EYS: variants seen among roughly 807,000 people sequenced by gnomAD.
EYS encodes EGF-like photoreceptor maintenance factor.
Under a neutral mutation model 282.1 loss-of-function variants are expected in EYS, and 250 were observed. That is an observed-to-expected ratio of 0.89 (90% CI 0.80 to 0.98). The LOEUF is 0.98. Among genes scored for constraint, EYS ranks in the 50% least tolerant of loss-of-function variants. The probability of loss-of-function intolerance (pLI) is 0.00; values close to 1 mark genes in which losing one functional copy is unlikely to be tolerated. For missense variants in EYS, 4,016 were observed against 3,709.0 expected (o/e 1.08, Z -2.15); for synonymous variants, 1,355 against 1,282.9 (o/e 1.06, Z -1.20).
intron 40 of EYS, among the ~76,000 whole-genome samples, chr6:63,766,180 C>T (rs932431998): frequency 1.3e-5 from 2 of 151,916 alleles, no homozygotes; most frequent in South Asian, 2.1e-4. Context: ...TTGCAATAAC[C>T]GAACTCTGCC....
chr6:65,331,240 T>C (rs1244346326), intron 11 of EYS: 1 of 681,380 alleles, frequency 1.5e-6, no homozygotes, highest in Non-Finnish European at 1.8e-6. Flanking sequence ...GAAGAATTAA[T>C]ATTTTAGCTA....
chr6:63,858,826 A>T (rs1772458579), intron 36 of EYS, among the ~76,000 whole-genome samples: 1 of 152,144 alleles, frequency 6.6e-6, no homozygotes, highest in South Asian at 2.1e-4. Flanking sequence ...CAAAAGAGTT[A>T]TGAGCTTAAC....
chr6:63,946,566 C>G (rs543865631), intron 35 of EYS, among the ~76,000 whole-genome samples: 1 of 151,984 alleles, frequency 6.6e-6, no homozygotes, highest in South Asian at 2.1e-4. Flanking sequence ...AGCTTGTTTG[C>G]TTTTAAGTTG....
chr6:64,058,572 C>T (rs1771062032), intron 33 of EYS, among the ~76,000 whole-genome samples: 1 of 152,126 alleles, frequency 6.6e-6, no homozygotes, highest in African/African-American at 2.4e-5. Flanking sequence ...TAACAAATTT[C>T]TTGATGTTTC....
At chr6:65,186,156 T>C (rs1265138507) in intron 12 of EYS, among the ~76,000 whole-genome samples, 2 of 151,750 alleles carry the variant, frequency 1.3e-5, no homozygotes, top group Admixed American at 6.6e-5. Flanking sequence ...TTATTGGGGA[T>C]ATATTAGATA....
At chr6:64,281,846 A>G (rs1768320548) in intron 30 of EYS, among the ~76,000 whole-genome samples, 1 of 152,096 alleles carries the variant, frequency 6.6e-6, no homozygotes, top group Non-Finnish European at 1.5e-5. Flanking sequence ...GATTCAGGGG[A>G]GCAAATATAG....
chr6:64,582,755 A>G (rs1033229583), intron 26 of EYS, among the ~76,000 whole-genome samples: 6 of 152,160 alleles, frequency 3.9e-5, no homozygotes, highest in Non-Finnish European at 7.3e-5. Context: ...AATGTCAATA[A>G]CACTATTCCA....
chr6:64,446,155 A>C lies in EYS; in HGVS notation c.5645-6803T>G, dbSNP rs77129272. ...TCTAGCCATTTAAAAATTTACTTGA[A>C]ACATGGTTGTTGCTAGGTGGGTGGT... On this transcript the variant is annotated intron_variant, in intron 26 of 42. Coordinates refer to ENST00000503581, the MANE Select transcript of EYS (RefSeq NM_001142800.2). Among the ~76,000 whole-genome samples the C allele has an allele frequency of 8.2e-3, 1,243 of 152,268 alleles. 19 individuals carry two copies. Among genetic ancestry groups the C allele is most frequent in the East Asian group, 0.049 (252 of 5,178 alleles).
chr6:65,694,196 T>G (rs542360486), intron 1 of EYS, among the ~76,000 whole-genome samples: 1 of 150,030 alleles, frequency 6.7e-6, no homozygotes, highest in Non-Finnish European at 1.5e-5. Context: ...AAGCAGAGGT[T>G]GTGGTGAGCC....
intron 22 of EYS, among the ~76,000 whole-genome samples, chr6:64,635,345 A>G (rs1285007880): frequency 6.6e-6 from 1 of 152,116 alleles, no homozygotes; most frequent in Non-Finnish European, 1.5e-5. Flanking sequence ...CCTGGCCAGA[A>G]CTTCCAACAC....
chr6:65,252,790 T>G (rs1217758964), intron 12 of EYS, among the ~76,000 whole-genome samples: 1 of 152,016 alleles, frequency 6.6e-6, no homozygotes, highest in African/African-American at 2.4e-5. Flanking sequence ...AATGAAAATT[T>G]TACAATTGAA....
chr6:64,704,509 A>T (rs2349990), intron 22 of EYS, among the ~76,000 whole-genome samples: 29,334 of 66,858 alleles, frequency 0.44, 4,142 homozygotes, highest in Middle Eastern at 0.52. Context: ...TACTTATAAT[A>T]ATATTATAAT....
intron 5 of EYS, among the ~76,000 whole-genome samples, chr6:65,482,253 A>G (rs1159298888): frequency 6.6e-6 from 1 of 152,204 alleles, no homozygotes; most frequent in African/African-American, 2.4e-5. Flanking sequence ...AAAATTATTT[A>G]CATTATTAAA....
intron 26 of EYS, among the ~76,000 whole-genome samples, chr6:64,481,263 GGT>G (rs202121150): frequency 6.3e-5 from 8 of 126,818 alleles, no homozygotes; most frequent in Non-Finnish European, 9.9e-5. Context: ...TTATGTGTAT[GGT>G]GTGTGTGTGT....
At chr6:65,636,380 G>C (rs573054825) in intron 2 of EYS, among the ~76,000 whole-genome samples, 1 of 151,984 alleles carries the variant, frequency 6.6e-6, no homozygotes, top group South Asian at 2.1e-4. Flanking sequence ...TTGCTTGCTT[G>C]TCTTCCTGAA....
At chr6:64,185,033 C>G (rs964303609) in intron 31 of EYS, among the ~76,000 whole-genome samples, 2 of 151,992 alleles carry the variant, frequency 1.3e-5, no homozygotes, top group African/African-American at 4.8e-5. Context: ...ATAAAAGAGG[C>G]TGTAGAGAGC....
intron 22 of EYS, among the ~76,000 whole-genome samples, chr6:64,808,837 G>A (rs1375421085): frequency 6.6e-6 from 1 of 151,988 alleles, no homozygotes; most frequent in Non-Finnish European, 1.5e-5. Flanking sequence ...ATAATAAAAT[G>A]TTTTCATGAG....
At position 64,347,684 on chromosome 6, in the gene EYS, T is replaced by G. The variant is rs576826166; in HGVS notation, c.6079-40602A>C. Among the ~76,000 whole-genome samples, 10 of 151,460 alleles carry G rather than the reference T, an allele frequency of 6.6e-5. No homozygotes were observed. The East Asian group carries it at 1.8e-3, about 27-fold the overall frequency. On this transcript the variant is annotated intron_variant, in intron 29 of 42. Transcript: ENST00000503581. ...TTGGCATCATGACATCCCAAGCAGT[T>G]CTCAAGCTCCAGCACATTGGTTTAA...
intron 24 of EYS, among the ~76,000 whole-genome samples, chr6:64,613,169 A>T (rs181009706): frequency 1.3e-3 from 205 of 152,268 alleles, no homozygotes; most frequent in Non-Finnish European, 2.2e-3. Flanking sequence ...AATTTTTTAC[A>T]TGTTAATGGA....
Sources: gnomAD v4.1 joint callset for allele counts (sites outside exome capture counted in the v4.1 genomes callset) on GRCh38, gnomAD v4.1.1 for gene constraint, MANE v1.5 for transcripts, NCBI Gene and HGNC (gene_info 2026-07-23, HGNC 2026-07-21) for gene names.